DMD: variants seen among roughly 807,000 people sequenced by gnomAD.
DMD encodes the protein dystrophin.
In DMD, 63 loss-of-function variants were observed where a neutral mutation model predicts 330.1. That is an observed-to-expected ratio of 0.19 (90% confidence interval 0.16 to 0.24). DMD has a LOEUF of 0.24. DMD is among the 10% of genes least tolerant of loss of function. The pLI, the probability that DMD is intolerant of heterozygous loss-of-function variation, is 1.00. For synonymous variants in DMD, 1,223 were observed against 959.8 expected (o/e 1.27, Z -5.07); for missense variants, 3,344 against 2,684.1 (o/e 1.25, Z -5.43).
At chrX:32,205,035 A>ACACACC (rs778728973) in intron 44 of DMD, among the ~76,000 whole-genome samples, 7 of 86,449 alleles carry the variant, frequency 8.1e-5, no homozygotes, top group East Asian at 6.8e-4. Context: ...ACACACACAC[A>ACACACC]CACACACCCA....
At chrX:31,908,278 C>T (rs757645885) in intron 47 of DMD, among the ~76,000 whole-genome samples, 9 of 111,636 alleles carry the variant, frequency 8.1e-5, no homozygotes, top group African/African-American at 1.6e-4. Context: ...ATGTTTATTG[C>T]GGCACTATTC....
At chrX:31,483,150 C>T (rs1308059170) in intron 57 of DMD, among the ~76,000 whole-genome samples, 1 of 105,739 alleles carries the variant, frequency 9.5e-6, no homozygotes, top group Non-Finnish European at 1.9e-5. Context: ...AGGTTCATGC[C>T]ATTCTCCTGC....
chrX:32,880,235 A>AT (rs199747063), intron 2 of DMD, among the ~76,000 whole-genome samples: 16,844 of 84,800 alleles, frequency 0.2, 1,444 homozygotes, highest in East Asian at 0.41. Context: ...ACTCCTCAGC[A>AT]TTTTTTTTTT....
chrX:32,229,717 T>TATAA (rs1278245017), intron 43 of DMD, among the ~76,000 whole-genome samples: 2 of 81,516 alleles, frequency 2.5e-5, no homozygotes, highest in Non-Finnish European at 4.6e-5. Context: ...TATATATATA[T>TATAA]ATATATATAA....
At chrX:33,220,079 G>A (rs141681484) in intron 1 of DMD, among the ~76,000 whole-genome samples, 1,155 of 111,737 alleles carry the variant, frequency 0.01, 18 homozygotes, top group African/African-American at 0.035. Flanking sequence ...GGACCTTAGT[G>A]AGGCATATGT....
At chrX:31,141,201 AAACAACAAC>A (rs34805586) in intron 76 of DMD, among the ~76,000 whole-genome samples, 46 of 105,918 alleles carry the variant, frequency 4.3e-4, no homozygotes, top group Admixed American at 1.1e-3. Context: ...CACACAAAAG[AAACAACAAC>A]AACAACAACA....
chrX:31,768,030 G>C (rs1472723679), intron 51 of DMD, among the ~76,000 whole-genome samples: 1 of 111,055 alleles, frequency 9.0e-6, no homozygotes, highest in East Asian at 2.8e-4. Flanking sequence ...GTCCAGATTG[G>C]CCAATTTGTC....
Position 32,836,695 on chromosome X carries a change from A to T in DMD, c.264+8088T>A, listed in dbSNP as rs753797244. Among the ~76,000 whole-genome samples, 6 of 111,716 alleles carry T rather than the reference A, an allele frequency of 5.4e-5. No individual in the cohort carries two copies. The South Asian group carries it at 2.2e-3, about 41-fold the overall frequency. On this transcript the variant is annotated intron_variant, in intron 4 of 78. Coordinates refer to ENST00000357033, the MANE Select transcript of DMD (RefSeq NM_004006.3). ...CCATTTCTCATGGGTTTTCATATGG[A>T]ATGCTTTTTCCTTCACAAATGTAGT...
intron 16 of DMD, among the ~76,000 whole-genome samples, chrX:32,546,051 C>T (rs983137299): frequency 9.4e-6 from 1 of 106,655 alleles, no homozygotes; most frequent in Non-Finnish European, 1.9e-5. Flanking sequence ...TCTCAATTAC[C>T]TCCTGTTCAT....
intron 44 of DMD, among the ~76,000 whole-genome samples, chrX:32,181,682 G>A (rs541871048): frequency 2.7e-5 from 3 of 110,923 alleles, no homozygotes; most frequent in African/African-American, 9.8e-5. Context: ...TATAATCGGA[G>A]GCAGATCTAC....
intron 9 of DMD, among the ~76,000 whole-genome samples, chrX:32,694,785 T>C: frequency 9.0e-6 from 1 of 111,104 alleles, no homozygotes; most frequent in Admixed American, 9.6e-5. Flanking sequence ...GCCTCCCGAG[T>C]AGCTGGGATT....
At chrX:32,988,042 T>C (rs2092890405) in intron 2 of DMD, among the ~76,000 whole-genome samples, 1 of 110,780 alleles carries the variant, frequency 9.0e-6, no homozygotes, top group South Asian at 3.8e-4. Flanking sequence ...TAGAAGTTAC[T>C]TAATATCGGT....
At chrX:32,902,490 T>G (rs2086354546) in intron 2 of DMD, among the ~76,000 whole-genome samples, 1 of 110,749 alleles carries the variant, frequency 9.0e-6, no homozygotes, top group South Asian at 3.7e-4. Flanking sequence ...AACACACATT[T>G]TTGTGTATAT....
chrX:31,494,074 T>C (rs949158951), intron 57 of DMD, among the ~76,000 whole-genome samples: 4 of 107,529 alleles, frequency 3.7e-5, no homozygotes, highest in African/African-American at 1.4e-4. Flanking sequence ...GGAGAATTGC[T>C]TGAACCAGGA....
chrX:32,898,866 A>G (rs1252785597), intron 2 of DMD, among the ~76,000 whole-genome samples: 2 of 111,548 alleles, frequency 1.8e-5, no homozygotes, highest in South Asian at 3.8e-4. Context: ...CTCCTACCTC[A>G]GGCTTGCACA....
intron 34 of DMD, among the ~76,000 whole-genome samples, chrX:32,380,009 C>T (rs766919547): frequency 1.8e-5 from 2 of 111,260 alleles, no homozygotes; most frequent in Middle Eastern, 4.2e-3. Context: ...AAGAATTTAA[C>T]GGCTAATGAT....
intron 18 of DMD, among the ~76,000 whole-genome samples, chrX:32,502,926 C>G (rs2044207066): frequency 9.0e-6 from 1 of 111,053 alleles, no homozygotes; most frequent in Non-Finnish European, 1.9e-5. Context: ...AATATGATAG[C>G]CAATAACCAC....
At chrX:32,146,268 G>A (rs1302807446) in intron 44 of DMD, among the ~76,000 whole-genome samples, 1 of 111,738 alleles carries the variant, frequency 8.9e-6, no homozygotes, top group Non-Finnish European at 1.9e-5. Context: ...ATACATAGAT[G>A]ATAGAGATAG....
intron 44 of DMD, among the ~76,000 whole-genome samples, chrX:32,004,027 A>G (rs772575650): frequency 9.0e-6 from 1 of 111,138 alleles, no homozygotes; most frequent in South Asian, 3.8e-4. Flanking sequence ...TTTCTTTCTA[A>G]TATAGTATTT....
Sources: gnomAD v4.1 joint callset for allele counts (sites outside exome capture counted in the v4.1 genomes callset) on GRCh38, gnomAD v4.1.1 for gene constraint, MANE v1.5 for transcripts, NCBI Gene and HGNC (gene_info 2026-07-23, HGNC 2026-07-21) for gene names.